Variants in ROBO2 observed in about 807,000 individuals in gnomAD.
ROBO2 encodes roundabout homolog 2.
ROBO2 carries 53 observed loss-of-function variants against 160.8 expected under a neutral mutation model. The ratio of observed to expected loss-of-function variants is 0.33; its 90% CI spans 0.26 to 0.41. The LOEUF is 0.41. Among genes scored for constraint, ROBO2 ranks in the 10% least tolerant of loss-of-function variants. The pLI, the probability that ROBO2 is intolerant of heterozygous loss-of-function variation, is 1.00. For synonymous variants in ROBO2, 664 were observed against 611.7 expected, an observed-to-expected ratio of 1.09 and a Z score of -1.26; for missense variants, 1,577 against 1,722.4, an observed-to-expected ratio of 0.92 and a Z score of 1.49.
At chr3:76,431,757 A>G (rs1192980299) in intron 2 of ROBO2, among the ~76,000 whole-genome samples, 1 of 152,196 alleles carries the variant, frequency 6.6e-6, no homozygotes, top group East Asian at 1.9e-4. Context: ...CTAATCTGGT[A>G]CCAAATAAAA....
rs552764975 is a variant in ROBO2 at position 76,752,041 on chromosome 3, C to G, written c.110-345973C>G. On this transcript the variant is annotated intron_variant, in intron 2 of 26. Transcript: ENST00000487694. ...ACAATAGCAAAGACTTGGAACCAAC[C>G]CAAATGTCCATCAATGATAGACTAG... 1.7e-3 allele frequency among the ~76,000 whole-genome samples: 258 copies of G among 152,188 alleles called. 1 individual carries two copies. The highest frequency in any genetic ancestry group is 5.8e-3 in the African/African-American group (241 of 41,552).
chr3:77,412,118 C>T (rs952916701), intron 2 of ROBO2, among the ~76,000 whole-genome samples: 3 of 149,694 alleles, frequency 2.0e-5, no homozygotes, highest in African/African-American at 7.3e-5. Context: ...TCGTTAAATA[C>T]CAGGCGGTTC....
chr3:77,625,260 C>T (rs981649391), intron 23 of ROBO2, among the ~76,000 whole-genome samples: 3 of 152,144 alleles, frequency 2.0e-5, no homozygotes, highest in African/African-American at 7.2e-5. Flanking sequence ...CTTCCTACAA[C>T]AAACACCTAT....
At chr3:75,985,065 T>A (rs1040917977) in intron 2 of ROBO2, among the ~76,000 whole-genome samples, 1 of 151,478 alleles carries the variant, frequency 6.6e-6, no homozygotes, top group Non-Finnish European at 1.5e-5. Context: ...TTTAGATTTA[T>A]CTAAATGGAA....
rs1013697755 is a variant in ROBO2 at position 76,349,422 on chromosome 3, A to G, written c.109+411820A>G. 1.2e-4 allele frequency among the ~76,000 whole-genome samples: 18 copies of G among 152,108 alleles called. 1 individual carries two copies. On this transcript the variant is annotated intron_variant, in intron 2 of 26. Coordinates refer to the ROBO2 transcript ENST00000487694. ...TAGCTTATCACAGCAATCCTAAGAC[A>G]CAAGAAGAACACCATTACCCCCATC... is the stretch of plus-strand genomic sequence containing the variant.
chr3:76,859,640 G>A (rs11716840), intron 2 of ROBO2, among the ~76,000 whole-genome samples: 18,839 of 152,096 alleles, frequency 0.12, 1,312 homozygotes, highest in East Asian at 0.24. Flanking sequence ...AGGATGTGGT[G>A]AGAACACATG....
chr3:76,383,159 GAA>G (rs200146093), intron 2 of ROBO2, among the ~76,000 whole-genome samples: 1 of 151,640 alleles, frequency 6.6e-6, no homozygotes, highest in African/African-American at 2.4e-5. Context: ...TCTAAAAATA[GAA>G]AAAAAAGAGA....
At chr3:76,493,187 CTT>C (rs2079930228) in intron 2 of ROBO2, among the ~76,000 whole-genome samples, 2 of 151,664 alleles carry the variant, frequency 1.3e-5, no homozygotes, top group South Asian at 4.2e-4. Context: ...TTCTTAGCCT[CTT>C]TTGTTTCTTT....
At chr3:76,908,211 G>GA (rs5850297) in intron 2 of ROBO2, among the ~76,000 whole-genome samples, 33,491 of 150,736 alleles carry the variant, frequency 0.22, 3,857 homozygotes, top group Admixed American at 0.29. Flanking sequence ...TCCAAATTAA[G>GA]AAAAAAAAAC....
chr3:76,238,468 G>T (rs1705086531), intron 2 of ROBO2, among the ~76,000 whole-genome samples: 1 of 151,996 alleles, frequency 6.6e-6, no homozygotes, highest in African/African-American at 2.4e-5. Context: ...CTCCCCCAAG[G>T]GCTTCCCCCT....
chr3:76,017,044 A>T (rs191712842), intron 2 of ROBO2, among the ~76,000 whole-genome samples: 105 of 152,276 alleles, frequency 6.9e-4, no homozygotes, highest in Admixed American at 2.5e-3. Context: ...ACTGTATACA[A>T]CGTATTGTAA....
chr3:76,359,134 G>GGT (rs576309435), intron 2 of ROBO2, among the ~76,000 whole-genome samples: 423 of 151,896 alleles, frequency 2.8e-3, no homozygotes, highest in Middle Eastern at 0.014. Flanking sequence ...AGTATTCCAT[G>GGT]GTGTGTGTGT....
rs117181978 is a variant in ROBO2 at position 77,051,705 on chromosome 3, G to A, written c.61+10859G>A. 2.6e-5 allele frequency among the ~76,000 whole-genome samples: 4 copies of A among 152,312 alleles called. No individual in the cohort carries two copies. The East Asian group carries it at 7.7e-4, about 29-fold the overall frequency. On this transcript the variant is annotated intron_variant, in intron 1 of 25. Coordinates refer to ENST00000461745, the Ensembl canonical transcript of ROBO2. ...TGTCTGTATCAGGATTCAATTCTAA[G>A]CTTTCCAAACATGGATCTCTATAGG...
chr3:77,512,279 C>G (rs1428301612), intron 5 of ROBO2, among the ~76,000 whole-genome samples: 4 of 151,836 alleles, frequency 2.6e-5, no homozygotes, highest in Admixed American at 6.6e-5. Context: ...TCAAGTGTTG[C>G]CTGTGCAAAG....
chr3:77,128,524 A>C (rs72891527), intron 2 of ROBO2, among the ~76,000 whole-genome samples: 1 of 152,044 alleles, frequency 6.6e-6, no homozygotes, highest in Non-Finnish European at 1.5e-5. Context: ...TGGATGACTA[A>C]TTTTTTGCAC....
At chr3:76,524,935 G>A (rs1350428840) in intron 2 of ROBO2, among the ~76,000 whole-genome samples, 1 of 144,496 alleles carries the variant, frequency 6.9e-6, no homozygotes, top group Non-Finnish European at 1.5e-5. Context: ...GATCCCATGA[G>A]TTAGAGATCT....
chr3:77,002,221 T>G (rs2061368017), intron 2 of ROBO2, among the ~76,000 whole-genome samples: 1 of 152,038 alleles, frequency 6.6e-6, no homozygotes, highest in Non-Finnish European at 1.5e-5. Flanking sequence ...ATAGCCTATA[T>G]TATGGGACTT....
chr3:76,119,920 T>TCCTTCCTC (rs2070666137), intron 2 of ROBO2, among the ~76,000 whole-genome samples: 1 of 28,492 alleles, frequency 3.5e-5, no homozygotes, highest in South Asian at 2.3e-3. Context: ...CTCCCTCCCT[T>TCCTTCCTC]CCTTCCTTCC....
intron 2 of ROBO2, among the ~76,000 whole-genome samples, chr3:76,892,035 G>A (rs1374703363): frequency 6.7e-6 from 1 of 150,296 alleles, no homozygotes; most frequent in Non-Finnish European, 1.5e-5. Flanking sequence ...CTTCTCGTGG[G>A]AATGGAGGTG....
Sources: allele counts gnomAD v4.1 joint callset (sites outside exome capture counted in the v4.1 genomes callset), GRCh38; gene constraint gnomAD v4.1.1; transcripts MANE v1.5; gene names NCBI Gene and HGNC (gene_info 2026-07-23, HGNC 2026-07-21).